Variants in PRDM10 observed in about 807,000 individuals in gnomAD.
PRDM10 encodes PR/SET domain 10, also known as PR domain zinc finger protein 10.
In PRDM10, 65 loss-of-function variants were observed where a neutral mutation model predicts 133.1. The observed-to-expected ratio is 0.49, with a 90% CI of 0.40 to 0.60. The LOEUF is 0.60. Among genes scored for constraint, PRDM10 ranks in the 20% least tolerant of loss-of-function variants. PRDM10 has a pLI of 0.00. For synonymous variants in PRDM10, 582 were observed against 580.4 expected, an observed-to-expected ratio of 1.00 and a Z score of -0.04; for missense variants, 1,137 against 1,507.1, an observed-to-expected ratio of 0.75 and a Z score of 4.07.
intron 6 of PRDM10, 38 bp downstream of exon 6, chr11:129,944,733 T>C: frequency 6.2e-7 from 1 of 1,609,552 alleles, no homozygotes; most frequent in Non-Finnish European, 8.5e-7. Flanking sequence ...CAAACACTGG[T>C]AAAGGACAGG....
intron 11 of PRDM10, among the ~76,000 whole-genome samples, chr11:129,925,723 CAAA>C (rs3838795): frequency 6.6e-6 from 1 of 151,466 alleles, no homozygotes; most frequent in Non-Finnish European, 1.5e-5. Context: ...AACAAACAAA[CAAA>C]AAAACAATAA....
chr11:129,967,157 G>A lies in PRDM10; in HGVS notation c.-118-6075C>T, dbSNP rs560551916. On this transcript the variant is annotated intron_variant, in intron 1 of 20. Coordinates refer to ENST00000360871, the MANE Select transcript of PRDM10 (RefSeq NM_199437.2). Reference sequence around the variant, plus strand: ...TGTAATCCCAACACTTTGGGAGGCCGAGGTGGGTGGATCACGAGGTCAGGA... The same window carrying A: ...TGTAATCCCAACACTTTGGGAGGCCAAGGTGGGTGGATCACGAGGTCAGGA... 5.3e-4 allele frequency among the ~76,000 whole-genome samples: 81 copies of A among 152,280 alleles called. 1 individual carries two copies. The highest frequency in any genetic ancestry group is 2.5e-3 in the East Asian group (13 of 5,186).
intron 1 of PRDM10, among the ~76,000 whole-genome samples, chr11:129,971,093 TTC>T (rs1952011715): frequency 6.6e-6 from 1 of 152,108 alleles, no homozygotes; most frequent in African/African-American, 2.4e-5. Flanking sequence ...AGTTTCTTCC[TTC>T]TGGTGGGTTC....
chr11:129,968,606 A>T, intron 1 of PRDM10, among the ~76,000 whole-genome samples: 1 of 135,562 alleles, frequency 7.4e-6, no homozygotes, highest in Non-Finnish European at 1.6e-5. Context: ...CCGCAATCCT[A>T]CCCCCTCACT....
At chr11:129,927,364 C>T (rs1950716120) in intron 11 of PRDM10, among the ~76,000 whole-genome samples, 1 of 152,130 alleles carries the variant, frequency 6.6e-6, no homozygotes, top group African/African-American at 2.4e-5. Flanking sequence ...GGAAATATTG[C>T]TGATGAACCA....
chr11:129,992,301 T>C (rs1200141326), intron 1 of PRDM10, among the ~76,000 whole-genome samples: 2 of 152,236 alleles, frequency 1.3e-5, no homozygotes, highest in African/African-American at 4.8e-5. Context: ...GTAATAATTA[T>C]AGCTACAGGC....
intron 20 of PRDM10, among the ~76,000 whole-genome samples, chr11:129,904,672 G>T (rs929988933): frequency 1.3e-5 from 2 of 152,100 alleles, no homozygotes; most frequent in African/African-American, 4.8e-5. Context: ...GCTAATTTTT[G>T]TATTTTTAGT....
At chr11:129,988,823 G>T (rs1020708981) in intron 1 of PRDM10, among the ~76,000 whole-genome samples, 1 of 151,876 alleles carries the variant, frequency 6.6e-6, no homozygotes, top group South Asian at 2.1e-4. Flanking sequence ...CAGAGACGGG[G>T]TTTCACCGTG....
intron 1 of PRDM10, among the ~76,000 whole-genome samples, chr11:129,977,091 G>A (rs556927286): frequency 8.0e-4 from 122 of 152,042 alleles, no homozygotes; most frequent in Non-Finnish European, 1.3e-3. Flanking sequence ...ACACCTTACA[G>A]AGAAAGAAGA....
chr11:129,977,491 C>T (rs1937843340), intron 1 of PRDM10, among the ~76,000 whole-genome samples: 1 of 152,140 alleles, frequency 6.6e-6, no homozygotes, highest in South Asian at 2.1e-4. Context: ...ACCATGTTGG[C>T]CAGGATGGGC....
chr11:129,916,339 T>C (rs1003257067), intron 15 of PRDM10, among the ~76,000 whole-genome samples: 2 of 152,220 alleles, frequency 1.3e-5, no homozygotes, highest in African/African-American at 4.8e-5. Flanking sequence ...TTTAAGCTGA[T>C]ATAGCTACAT....
intron 11 of PRDM10, chr11:129,929,283 A>G: frequency 1.3e-6 from 1 of 796,112 alleles, no homozygotes; most frequent in South Asian, 2.2e-5. Context: ...ATTATTCATT[A>G]ATTTGCATTT....
chr11:129,942,378 C>T lies in PRDM10; in HGVS notation c.966+48G>A, dbSNP rs756411370. ...AAATAAAATTGCAAAAAGCCCTAAA[C>T]AATCACTCTTGCTAGCAAATAGCAG... On this transcript the variant is annotated intron_variant, in intron 7 of 20. Coordinates refer to ENST00000360871, the MANE Select transcript of PRDM10 (RefSeq NM_199437.2). 6 of 1,555,580 alleles carry T rather than the reference C, an allele frequency of 3.9e-6. No individual in the cohort carries two copies. The Admixed American group carries it at 9.5e-5, about 25-fold the overall frequency.
chr11:129,924,981 A>C lies in PRDM10; in HGVS notation c.1779T>G (p.Phe593Leu). The change falls in exon 12 of 21, where the codon TTT becomes TTG. Residue 593 changes from phenylalanine (F) to leucine (L), a missense_variant. This residue lies in a region of PRDM10 where 635 missense variants were observed against 835.2 expected (regional missense o/e 0.76). Transcript: ENST00000360871. Reference sequence around the variant, plus strand: ...GATCTTTCAACAAATCAAGGCGGTCAAAGGATTCTGGGCAAAAAATGCAAG... The same window carrying C: ...GATCTTTCAACAAATCAAGGCGGTCCAAGGATTCTGGGCAAAAAATGCAAG... ...TYSCIFCPES[F>L]DRLDLLKDHV... 6.2e-7 allele frequency: 1 copy of C among 1,614,238 alleles called. No homozygotes were observed. The highest frequency in any genetic ancestry group is 2.2e-5 in the East Asian group (1 of 44,882).
chr11:129,968,515 C>G (rs1591673415), intron 1 of PRDM10, among the ~76,000 whole-genome samples: 1 of 152,112 alleles, frequency 6.6e-6, no homozygotes, highest in South Asian at 2.1e-4. Context: ...GGACCAGGTT[C>G]CACAGAAGAG....
At chr11:129,930,866 C>G in intron 11 of PRDM10, 150 bp downstream of exon 11, 2 of 1,268,238 alleles carry the variant, frequency 1.6e-6, no homozygotes, top group Non-Finnish European at 2.1e-6. Context: ...ATAGTGAACA[C>G]TTTCTTTCAA....
intron 1 of PRDM10, among the ~76,000 whole-genome samples, chr11:129,996,873 A>T (rs1414428466): frequency 6.6e-6 from 1 of 152,200 alleles, no homozygotes; most frequent in Non-Finnish European, 1.5e-5. Flanking sequence ...CTCACTTGGA[A>T]TCTATGAGGT....
intron 1 of PRDM10, among the ~76,000 whole-genome samples, chr11:129,961,679 C>A (rs1307868859): frequency 6.6e-6 from 1 of 151,878 alleles, no homozygotes; most frequent in Non-Finnish European, 1.5e-5. Flanking sequence ...CTGGTTAACA[C>A]GGTGAGACCC....
intron 1 of PRDM10, among the ~76,000 whole-genome samples, chr11:130,001,374 G>A (rs1939365222): frequency 6.6e-6 from 1 of 152,172 alleles, no homozygotes; most frequent in Non-Finnish European, 1.5e-5. Context: ...CAGAAAAAGA[G>A]GCCACAAAAC....
Sources: allele counts gnomAD v4.1 joint callset (sites outside exome capture counted in the v4.1 genomes callset), GRCh38; gene constraint gnomAD v4.1.1; regional missense constraint gnomAD v4.1.1; transcripts MANE v1.5; gene names NCBI Gene and HGNC (gene_info 2026-07-23, HGNC 2026-07-21).